The following LRPAP1 variants were observed in gnomAD, a reference collection of about 807,000 sequenced individuals.
The protein encoded by LRPAP1 is LDL receptor related protein associated protein 1, also known as alpha-2-macroglobulin receptor-associated protein.
LRPAP1 carries 41 observed loss-of-function variants against 39.9 expected under a neutral mutation model. That is an observed-to-expected ratio of 1.03 (90% confidence interval 0.80 to 1.33). LRPAP1 has a LOEUF of 1.33. Ranked by LOEUF, LRPAP1 falls within the 40% of genes most tolerant of loss-of-function variation. The probability of loss-of-function intolerance (pLI) is 0.00; values close to 1 mark genes in which losing one functional copy is unlikely to be tolerated. For missense variants in LRPAP1, 565 were observed against 482.3 expected (o/e 1.17, Z -1.61); for synonymous variants, 263 against 212.7 (o/e 1.24, Z -2.06).
rs1239479565 is a variant in LRPAP1, at chr4:3,508,951, G to A, written c.*4023C>T. On this transcript the variant is annotated 3_prime_UTR_variant, in exon 8 of 8. Transcript: ENST00000650182. ...GGAAGCAAAGCCACTGTCAGACAGA[G>A]GACACGCGTGTGCACACGGAAACCC... 6.6e-6 allele frequency: 1 copy of A among 152,162 alleles called. No homozygotes were observed. Among genetic ancestry groups the A allele is most frequent in the East Asian group, 1.9e-4 (1 of 5,198 alleles). 9.4% of individuals were successfully genotyped at this position (152,162 alleles called of 1,614,324 possible).
In LRPAP1 at chr4:3,510,497, G is replaced by GTAGGTCA. The variant is rs1376544889; in HGVS notation, c.*2470_*2476dup. ...GACAAACAGAAACAGACCCACACAG[G>GTAGGTCA]TAGGTCAGTTGATTTCTGACAAAGG... On this transcript the variant is annotated 3_prime_UTR_variant, in exon 8 of 8. Transcript: ENST00000650182. 6.6e-6 allele frequency: 1 copy of GTAGGTCA among 152,224 alleles called. No individual in the cohort carries two copies. The highest frequency in any genetic ancestry group is 1.5e-5 in the Non-Finnish European group (1 of 68,054). 9.4% of individuals were successfully genotyped at this position (152,224 alleles called of 1,614,324 possible).
In LRPAP1 at chr4:3,520,189, G is replaced by C; in HGVS notation, c.354C>G (p.Ile118Met). Residue 118 changes from isoleucine to methionine, a missense_variant, in exon 3 of 8, where the codon ATC becomes ATG. Ile to Met is a conservative substitution (Grantham distance 10, BLOSUM62 1). Coordinates refer to ENST00000650182, the MANE Select transcript of LRPAP1 (RefSeq NM_002337.4). ...EARLIRNLNVILAKYGLDGKK... is the reference protein window; with the variant it reads ...EARLIRNLNVMLAKYGLDGKK... ...TTCCGTCCAGACCATACTTGGCCAAGATGACTAGGAGAGAGGGGAGGTTCT... is the reference window on the plus strand; with the variant it reads ...TTCCGTCCAGACCATACTTGGCCAACATGACTAGGAGAGAGGGGAGGTTCT... 1 of 1,613,844 alleles carries C rather than the reference G, an allele frequency of 6.2e-7. No homozygotes were observed. The highest frequency in any genetic ancestry group is 8.5e-7 in the Non-Finnish European group (1 of 1,179,830).
intron 4 of LRPAP1, among the ~76,000 whole-genome samples, chr4:3,518,420 C>T (rs1038976388): frequency 2.0e-5 from 3 of 152,196 alleles, no homozygotes; most frequent in East Asian, 3.9e-4. Flanking sequence ...TGGCGCCTGG[C>T]GGTGACAGCT....
Position 3,516,099 on chromosome 4 carries a change from G to C in LRPAP1, c.834+17C>G. On this transcript the variant is annotated intron_variant, in intron 6 of 7. Transcript: ENST00000650182. ...ACCACAGGAGAGAGCTAGAAGGAGA[G>C]GGCCGTGTTTCCTTACCCGGAACGC... is the stretch of plus-strand genomic sequence containing the variant. 1.2e-5 allele frequency: 18 copies of C among 1,561,036 alleles called. No homozygotes were observed. Among genetic ancestry groups the C allele is most frequent in the Non-Finnish European group, 1.6e-5 (18 of 1,151,632 alleles).
intron 4 of LRPAP1, among the ~76,000 whole-genome samples, chr4:3,518,476 C>T (rs1373796305): frequency 1.3e-5 from 2 of 152,340 alleles, no homozygotes; most frequent in East Asian, 3.9e-4. Flanking sequence ...CCTGCCCTGC[C>T]CCCTCTCTGC....
intron 1 of LRPAP1, among the ~76,000 whole-genome samples, chr4:3,525,458 T>TTA (rs1560260720): frequency 6.6e-6 from 1 of 151,714 alleles, no homozygotes; most frequent in Non-Finnish European, 1.5e-5. Flanking sequence ...AGTTCTTTTT[T>TTA]AAAAAAAATC....
chr4:3,517,839 G>A (rs779561969), intron 5 of LRPAP1, 195 bp downstream of exon 5: 17 of 565,458 alleles, frequency 3.0e-5, no homozygotes, highest in Non-Finnish European at 4.4e-5. Flanking sequence ...GGCTGGGGAC[G>A]GCGAGTGACC....
intron 1 of LRPAP1, among the ~76,000 whole-genome samples, chr4:3,530,739 G>C (rs1730225711): frequency 6.6e-6 from 1 of 152,210 alleles, no homozygotes; most frequent in Non-Finnish European, 1.5e-5. Context: ...GGAGGCCTGG[G>C]CTGACAAAGA....
Position 3,531,519 on chromosome 4 carries a change from G to T in LRPAP1, c.204+690C>A, listed in dbSNP as rs527716813. On this transcript the variant is annotated intron_variant, in intron 1 of 7. Transcript: ENST00000650182. ...AATGAAGCAACCGTATCTTAATGAA[G>T]AGAGCAGCTGGCCCAGGGTCACGCA... 1.6e-4 allele frequency among the ~76,000 whole-genome samples: 24 copies of T among 152,310 alleles called. No individual in the cohort carries two copies. In the South Asian group the frequency reaches 4.8e-3, roughly 30 times the overall value.
rs1307721022 is a variant in LRPAP1 at position 3,505,379 on chromosome 4, G to A, written c.*7595C>T. 1.3e-5 allele frequency among the ~76,000 whole-genome samples: 2 copies of A among 152,236 alleles called. No individual in the cohort carries two copies. Among genetic ancestry groups the A allele is most frequent in the Non-Finnish European group, 2.9e-5 (2 of 68,032 alleles). The stretch of plus-strand genomic sequence containing the variant: ...GTGCCTAGCCCTCGCCAGGCTGCTG[G>A]CCCCATCGCTGGGAAGGAGTGGTTT... On this transcript the variant is annotated 3_prime_UTR_variant, in exon 8 of 8. Coordinates refer to ENST00000650182, the MANE Select transcript of LRPAP1 (RefSeq NM_002337.4).
chr4:3,514,343 G>C (rs1729625945), intron 7 of LRPAP1, among the ~76,000 whole-genome samples: 1 of 152,230 alleles, frequency 6.6e-6, no homozygotes, highest in South Asian at 2.1e-4. Flanking sequence ...CTGTGCGCTG[G>C]CTTCAGCTTC....
chr4:3,506,153 C>A lies in LRPAP1; in HGVS notation c.*6821G>T, dbSNP rs770046627. Among the ~76,000 whole-genome samples the A allele has an allele frequency of 7.2e-5, 11 of 152,058 alleles. No individual in the cohort carries two copies. Among genetic ancestry groups the A allele is most frequent in the Admixed American group, 1.3e-4 (2 of 15,274 alleles). ...TTTTGGCTCACTGCAAACTCTGTCT[C>A]CCAGCTTCAAGTGATTCTCGTGCCT... On this transcript the variant is annotated 3_prime_UTR_variant, in exon 8 of 8. Transcript: ENST00000650182.
intron 2 of LRPAP1, among the ~76,000 whole-genome samples, chr4:3,523,502 C>T (rs1325761007): frequency 6.6e-6 from 1 of 152,158 alleles, no homozygotes; most frequent in African/African-American, 2.4e-5. Context: ...CTGCTGATGC[C>T]TGCCAATGGG....
chr4:3,527,564 G>A (rs1170602566), intron 1 of LRPAP1, among the ~76,000 whole-genome samples: 1 of 152,272 alleles, frequency 6.6e-6, no homozygotes, highest in Admixed American at 6.5e-5. Context: ...CTGCCCGGGA[G>A]GGTCTGAGAT....
chr4:3,520,314 T>C (rs760162109), intron 2 of LRPAP1, 121 bp from the exon 3 acceptor site: 3 of 1,021,230 alleles, frequency 2.9e-6, no homozygotes, highest in Non-Finnish European at 4.3e-6. Flanking sequence ...GTAGTTTCCT[T>C]TCACCTGTTT....
At chr4:3,522,677 CCCT>C (rs1729952509) in intron 2 of LRPAP1, among the ~76,000 whole-genome samples, 1 of 108,300 alleles carries the variant, frequency 9.2e-6, no homozygotes, top group African/African-American at 3.2e-5. Flanking sequence ...GCCCCACACC[CCCT>C]GCCTGGGGAG....
chr4:3,520,697 T>C (rs1729885165), intron 2 of LRPAP1, among the ~76,000 whole-genome samples: 1 of 152,224 alleles, frequency 6.6e-6, no homozygotes, highest in Non-Finnish European at 1.5e-5. Context: ...ACAGCACACA[T>C]CTTATATTTA....
rs1003344462 is a variant in LRPAP1 at position 3,504,910 on chromosome 4, G to A, written c.*8064C>T. ...TGCAGTGAGCCGAGATCGCACCAAC[G>A]CACTCCAGCCTGGGCGACAGAGCAA... On this transcript the variant is annotated 3_prime_UTR_variant, in exon 8 of 8. Coordinates refer to ENST00000650182, the MANE Select transcript of LRPAP1 (RefSeq NM_002337.4). Among the ~76,000 whole-genome samples, 7 of 151,892 alleles carry A rather than the reference G, an allele frequency of 4.6e-5. No homozygotes were observed. Among genetic ancestry groups the A allele is most frequent in the African/African-American group, 7.3e-5 (3 of 41,322 alleles).
intron 4 of LRPAP1, among the ~76,000 whole-genome samples, chr4:3,518,433 G>C (rs1186952346): frequency 6.6e-6 from 1 of 152,228 alleles, no homozygotes; most frequent in Non-Finnish European, 1.5e-5. Flanking sequence ...TGACAGCTGG[G>C]GCACCAGGTC....
Sources: allele counts gnomAD v4.1 joint callset (sites outside exome capture counted in the v4.1 genomes callset), GRCh38; gene constraint gnomAD v4.1.1; transcripts MANE v1.5; gene names NCBI Gene and HGNC (gene_info 2026-07-23, HGNC 2026-07-21).